STAB2: variants seen among roughly 807,000 people sequenced by gnomAD.
STAB2 encodes the protein stabilin 2, also known as stabilin-2.
A neutral mutation model predicts 338.1 loss-of-function variants in STAB2; 288 were observed. The ratio of observed to expected loss-of-function variants is 0.85; its 90% CI spans 0.77 to 0.94. STAB2 has a LOEUF of 0.94. Among genes scored for constraint, STAB2 ranks in the 40% least tolerant of loss-of-function variants. STAB2 has a pLI of 0.00. For synonymous variants in STAB2, 1,202 were observed against 1,193.3 expected (o/e 1.01, Z -0.15); for missense variants, 3,141 against 3,210.1 (o/e 0.98, Z 0.52).
At chr12:103,704,997 C>G (rs969011092) in intron 36 of STAB2, 11 of 165,248 alleles carry the variant, frequency 6.7e-5, no homozygotes, top group Non-Finnish European at 1.3e-4. Context: ...GTTGAAGTTG[C>G]AACTAACTTT....
At chr12:103,630,665 T>C (rs1315077100) in intron 5 of STAB2, among the ~76,000 whole-genome samples, 4 of 152,068 alleles carry the variant, frequency 2.6e-5, no homozygotes, top group African/African-American at 9.7e-5. Context: ...ACCATAGAAA[T>C]GGTAGCATGA....
chr12:103,733,785 GATCATATAGGAGCAAGCATC>G (rs1335965219), intron 51 of STAB2, among the ~76,000 whole-genome samples: 4 of 151,958 alleles, frequency 2.6e-5, no homozygotes, highest in Admixed American at 6.6e-5. Flanking sequence ...GAACATATAT[GATCATATAGGAGCAAGCATC>G]ATCATATAGG....
intron 47 of STAB2, among the ~76,000 whole-genome samples, chr12:103,728,065 T>C (rs1881350970): frequency 6.6e-6 from 1 of 152,182 alleles, no homozygotes; most frequent in Non-Finnish European, 1.5e-5. Context: ...ACTTGACACT[T>C]TATAATTCAA....
Position 103,758,228 on chromosome 12 carries a change from C to T in STAB2, c.7046C>T (p.Thr2349Ile). Residue 2349 changes from threonine to isoleucine, a missense_variant, in exon 64 of 69, where the codon ACT (threonine) becomes ATT (isoleucine). Physicochemically the swap from Thr to Ile is moderately conservative, Grantham distance 89. Transcript: ENST00000388887. ...GGCCGTGCATTTCTAGAACACCTGA[C>T]TGACCTGTCCATCCGCGGCACCCTC... is the stretch of plus-strand genomic sequence containing the variant. ...ARGRAFLEHL[T>I]DLSIRGTLFV... 1 of 1,614,198 alleles carries T rather than the reference C, an allele frequency of 6.2e-7. No individual in the cohort carries two copies. Among genetic ancestry groups the T allele is most frequent in the Non-Finnish European group, 8.5e-7 (1 of 1,180,046 alleles).
At chr12:103,591,937 G>A (rs1022985846) in intron 2 of STAB2, among the ~76,000 whole-genome samples, 2 of 152,036 alleles carry the variant, frequency 1.3e-5, no homozygotes, top group Non-Finnish European at 2.9e-5. Flanking sequence ...TTTAATTCCG[G>A]ATGGAAGGAT....
intron 3 of STAB2, among the ~76,000 whole-genome samples, chr12:103,613,828 C>A (rs1229466436): frequency 6.6e-6 from 1 of 151,670 alleles, no homozygotes; most frequent in Non-Finnish European, 1.5e-5. Flanking sequence ...CATCTTGGAA[C>A]CCTCTCCTCT....
chr12:103,702,361 C>T (rs1429086295), intron 34 of STAB2, among the ~76,000 whole-genome samples: 4 of 150,608 alleles, frequency 2.7e-5, no homozygotes, highest in East Asian at 3.9e-4. Flanking sequence ...TGCAGTGGTG[C>T]GATCTCGGCT....
chr12:103,655,199 C>T lies in STAB2; in HGVS notation c.1552-52C>T, dbSNP rs189221766. 1.7e-4 allele frequency: 264 copies of T among 1,518,590 alleles called. No individual in the cohort carries two copies. In the African/African-American group the frequency reaches 3.1e-3, roughly 18 times the overall value. 94.1% of individuals were successfully genotyped at this position (1,518,590 alleles called of 1,614,324 possible). ...CTTTAAATGTTAGAATTTGTATTTC[C>T]TAAATCACAATATTTTATTTCCTGA... On this transcript the variant is annotated intron_variant, in intron 13 of 68. Transcript: ENST00000388887.
Position 103,733,169 on chromosome 12 carries a change from T to C in STAB2, c.5447T>C (p.Ile1816Thr), listed in dbSNP as rs762362275. Residue 1816 changes from isoleucine to threonine, a missense_variant, in exon 51 of 69, where the codon ATA (isoleucine) becomes ACA (threonine). Transcript: ENST00000388887. ...AAGGAGTATTTGAAGTTTCATGTGA[T>C]ACGAGATGCCAAGGTATTTAGTTTA... is the stretch of plus-strand genomic sequence containing the variant. ...KLKEYLKFHV[I>T]RDAKVLAVDL... 8 of 1,614,006 alleles carry C rather than the reference T, an allele frequency of 5.0e-6. No individual in the cohort carries two copies. Among genetic ancestry groups the C allele is most frequent in the Non-Finnish European group, 5.9e-6 (7 of 1,180,006 alleles).
intron 39 of STAB2, among the ~76,000 whole-genome samples, chr12:103,710,357 G>T (rs189968662): frequency 6.6e-6 from 1 of 152,256 alleles, no homozygotes; most frequent in Admixed American, 6.5e-5. Flanking sequence ...TAAATGTTTA[G>T]TAAAAGGAAA....
rs748974203 is a variant in STAB2 at position 103,739,415 on chromosome 12, G to C, written c.5701G>C (p.Glu1901Gln). ...DTFTTFDASGECGSCVNTPSC... is the reference protein window; with the variant it reads ...DTFTTFDASGQCGSCVNTPSC... ...TGTTTCTTTTCTTGCATACTAGGGG[G>C]AGTGTGGGAGCTGTGTCAATACTCC... Residue 1901 changes from glutamate (E) to glutamine (Q), a missense_variant, in exon 54 of 69, where the codon GAG (glutamate) becomes CAG (glutamine). Coordinates refer to ENST00000388887, the MANE Select transcript of STAB2 (RefSeq NM_017564.10). The C allele has an allele frequency of 6.3e-7, 1 of 1,588,526 alleles. No homozygotes were observed. Among genetic ancestry groups the C allele is most frequent in the Non-Finnish European group, 8.6e-7 (1 of 1,168,220 alleles).
chr12:103,646,012 G>A (rs933555718), intron 9 of STAB2, among the ~76,000 whole-genome samples: 2 of 152,134 alleles, frequency 1.3e-5, no homozygotes, highest in Non-Finnish European at 2.9e-5. Context: ...AGCCGAGCAC[G>A]GTGGCTCACA....
intron 3 of STAB2, 44 bp from the exon 4 acceptor site, chr12:103,620,424 T>G: frequency 6.6e-7 from 1 of 1,521,018 alleles, no homozygotes; most frequent in East Asian, 2.5e-5. Context: ...AGAATGCTTG[T>G]GTGCAGTCAC....
At chr12:103,673,778 C>T (rs945063433) in intron 22 of STAB2, 129 bp from the exon 23 acceptor site, 24 of 1,000,048 alleles carry the variant, frequency 2.4e-5, no homozygotes, top group Non-Finnish European at 3.2e-5. Context: ...CCCGGCTCAG[C>T]CCCGATTCTG....
intron 39 of STAB2, among the ~76,000 whole-genome samples, chr12:103,709,851 C>T (rs973518132): frequency 2.0e-5 from 3 of 152,058 alleles, no homozygotes; most frequent in African/African-American, 7.2e-5. Flanking sequence ...TTCGGTGAAT[C>T]CCCAGAATAA....
chr12:103,754,322 A>C (rs930136657), intron 61 of STAB2, among the ~76,000 whole-genome samples: 2 of 152,092 alleles, frequency 1.3e-5, no homozygotes, highest in Non-Finnish European at 2.9e-5. Flanking sequence ...TAGGAACTCA[A>C]TTTTTAAGAT....
chr12:103,712,157 C>T (rs1171627664), intron 40 of STAB2, among the ~76,000 whole-genome samples: 1 of 152,266 alleles, frequency 6.6e-6, no homozygotes, highest in Non-Finnish European at 1.5e-5. Flanking sequence ...TATCTATGCA[C>T]GCTGTAGTTT....
At chr12:103,701,446 T>C (rs899160118) in intron 34 of STAB2, among the ~76,000 whole-genome samples, 7 of 152,346 alleles carry the variant, frequency 4.6e-5, no homozygotes, top group African/African-American at 1.4e-4. Context: ...TCCACAATGG[T>C]TGAACTAGTT....
intron 6 of STAB2, among the ~76,000 whole-genome samples, chr12:103,632,946 G>A (rs1332560573): frequency 6.6e-6 from 1 of 152,244 alleles, no homozygotes; most frequent in Admixed American, 6.5e-5. Flanking sequence ...GGTTGGGTGA[G>A]ATTGAAAGTC....
Sources: gnomAD v4.1 joint callset for allele counts (sites outside exome capture counted in the v4.1 genomes callset) on GRCh38, gnomAD v4.1.1 for gene constraint, MANE v1.5 for transcripts, NCBI Gene and HGNC (gene_info 2026-07-23, HGNC 2026-07-21) for gene names.